Variants in ZNF292 observed in about 807,000 individuals in gnomAD.
The protein encoded by ZNF292 is 16 zinc-finger domain protein.
Under a neutral mutation model 217.9 loss-of-function variants are expected in ZNF292, and 26 were observed. That is an observed-to-expected ratio of 0.12 (90% CI 0.09 to 0.17). ZNF292 has a LOEUF of 0.17. ZNF292 is among the 10% of genes least tolerant of loss of function. ZNF292 has a pLI of 1.00. For missense variants in ZNF292, 2,904 were observed against 3,175.2 expected, an observed-to-expected ratio of 0.91 and a Z score of 2.05; for synonymous variants, 1,257 against 1,124.1, an observed-to-expected ratio of 1.12 and a Z score of -2.37.
chr6:87,172,549 A>G (rs1457053479), intron 1 of ZNF292, among the ~76,000 whole-genome samples: 2 of 152,126 alleles, frequency 1.3e-5, no homozygotes, highest in Non-Finnish European at 2.9e-5. Flanking sequence ...CAATAGAAGT[A>G]CTATAGTAGT....
chr6:87,239,547 C>G (rs1426483239), intron 5 of ZNF292, among the ~76,000 whole-genome samples: 7 of 138,372 alleles, frequency 5.1e-5, no homozygotes, highest in African/African-American at 1.1e-4. Flanking sequence ...CCCCCACCTC[C>G]CGGACAGGGC....
intron 4 of ZNF292, among the ~76,000 whole-genome samples, chr6:87,228,833 T>C (rs1773505999): frequency 6.6e-6 from 1 of 152,248 alleles, no homozygotes; most frequent in Admixed American, 6.5e-5. Flanking sequence ...ACTTGAGCTC[T>C]GTAATACATC....
Position 87,258,139 on chromosome 6 carries a change from G to C in ZNF292, c.4510G>C (p.Glu1504Gln). 2 of 1,612,230 alleles carry C rather than the reference G, an allele frequency of 1.2e-6. No homozygotes were observed. The highest frequency in any genetic ancestry group is 1.7e-6 in the Non-Finnish European group (2 of 1,179,202). ...LETAGIPSTF[E>Q]GAEMLSHVST... ...AACTGCTGGCATTCCCAGTACATTT[G>C]AGGGTGCCGAAATGCTTTCTCATGT... The change falls in exon 8 of 8, where the codon GAG (glutamate) becomes CAG (glutamine). Residue 1504 changes from glutamate to glutamine, a missense_variant. By Grantham distance (29) the Glu-to-Gln change is conservative. Around this residue, in one of 15 missense-constraint regions of ZNF292, gnomAD observed 622 missense variants for 573.1 expected, o/e 1.09. Coordinates refer to ENST00000369577, the MANE Select transcript of ZNF292 (RefSeq NM_015021.3).
At position 87,257,563 on chromosome 6, in the gene ZNF292, G is replaced by A. The variant is rs546691929; in HGVS notation, c.3934G>A (p.Gly1312Arg). 6.2e-7 allele frequency: 1 copy of A among 1,606,696 alleles called. No individual in the cohort carries two copies. Among genetic ancestry groups the A allele is most frequent in the Non-Finnish European group, 8.5e-7 (1 of 1,176,192 alleles). ...EGNTNSSFLK[G>R]GNGENAVFPS... Reference sequence around the variant, plus strand: ...AAACACTAATTCCTCCTTTCTAAAGGGGGGTAATGGTGAAAATGCAGTTTT... The same window carrying A: ...AAACACTAATTCCTCCTTTCTAAAGAGGGGTAATGGTGAAAATGCAGTTTT... The change falls in exon 8 of 8, where the codon GGG (glycine) becomes AGG (arginine). Residue 1312 changes from glycine to arginine, a missense_variant. Gly to Arg is a moderately radical substitution (Grantham distance 125). This residue lies in a region of ZNF292 where 687 missense variants were observed against 623.0 expected (regional missense o/e 1.10). Coordinates refer to ENST00000369577, the MANE Select transcript of ZNF292 (RefSeq NM_015021.3).
chr6:87,247,905 G>A (rs959539961), intron 7 of ZNF292, among the ~76,000 whole-genome samples: 6 of 152,258 alleles, frequency 3.9e-5, no homozygotes, highest in African/African-American at 9.6e-5. Context: ...CATAGTTATC[G>A]AAATGAAAAT....
rs375203247 is a variant in ZNF292 at position 87,206,502 on chromosome 6, G to GC, written c.169-9395dup. On this transcript the variant is annotated intron_variant, in intron 1 of 7. Coordinates refer to ENST00000369577, the MANE Select transcript of ZNF292 (RefSeq NM_015021.3). ...AAGAGTTAGCCAGTATTATGACATT[G>GC]CCCCCCTTATATACTTTAAGCGTTT... 2.1e-3 allele frequency among the ~76,000 whole-genome samples: 312 copies of GC among 151,258 alleles called. 1 individual carries two copies. Among genetic ancestry groups the GC allele is most frequent in the Middle Eastern group, 0.017 (5 of 294 alleles).
intron 4 of ZNF292, among the ~76,000 whole-genome samples, chr6:87,230,819 C>T (rs1241478867): frequency 6.6e-6 from 1 of 151,902 alleles, no homozygotes; most frequent in Non-Finnish European, 1.5e-5. Flanking sequence ...ATTTATATTG[C>T]CATGTGAAGT....
intron 1 of ZNF292, among the ~76,000 whole-genome samples, chr6:87,184,252 A>AT (rs1389485162): frequency 6.6e-6 from 1 of 152,140 alleles, no homozygotes; most frequent in Admixed American, 6.5e-5. Flanking sequence ...GGCATGGGAG[A>AT]TTTCTCCTAC....
chr6:87,234,824 A>G (rs1198958748), intron 5 of ZNF292, among the ~76,000 whole-genome samples: 1 of 152,220 alleles, frequency 6.6e-6, no homozygotes, highest in Non-Finnish European at 1.5e-5. Context: ...AGCCTCATAC[A>G]GAAAGCTCAG....
At chr6:87,244,854 C>G (rs1005607895) in intron 6 of ZNF292, among the ~76,000 whole-genome samples, 3 of 151,920 alleles carry the variant, frequency 2.0e-5, no homozygotes, top group African/African-American at 7.3e-5. Context: ...TACACATGCA[C>G]ACACATATAT....
rs1376733293 is a variant in ZNF292 at position 87,261,889 on chromosome 6, A to G, written c.*88A>G. The G allele has an allele frequency of 2.0e-6, 2 of 996,736 alleles. No individual in the cohort carries two copies. Among genetic ancestry groups the G allele is most frequent in the Admixed American group, 6.5e-5 (2 of 30,954 alleles). The allele number at this position is 996,736 out of a possible 1,614,324, so 61.7% of individuals were successfully genotyped here. On this transcript the variant is annotated 3_prime_UTR_variant, in exon 8 of 8. Transcript: ENST00000369577. ...GCTAGAATTGTGAAACTTTCATTAT[A>G]TTTTTTTGTTGTTGACATGAATTAA...
chr6:87,172,518 GT>G (rs1020448037), intron 1 of ZNF292, among the ~76,000 whole-genome samples: 4 of 152,168 alleles, frequency 2.6e-5, no homozygotes, highest in African/African-American at 9.7e-5. Context: ...TCTTTAGAAT[GT>G]TTAACCATTC....
chr6:87,250,383 C>G (rs1272435601), intron 7 of ZNF292, among the ~76,000 whole-genome samples: 1 of 151,992 alleles, frequency 6.6e-6, no homozygotes, highest in South Asian at 2.1e-4. Flanking sequence ...GAGCCAAGAT[C>G]ATGCCACTGA....
chr6:87,258,732 T>C lies in ZNF292; in HGVS notation c.5103T>C (p.Asp1701=). The change falls in exon 8 of 8, where the codon GAT becomes GAC. Residue 1701 remains aspartate, a synonymous_variant. Transcript: ENST00000369577. ...TTAACAATCAGTTATTTATGACTGA[T>C]GTAAAAGAGAATTTCAAAACCAGTC... The part of the protein sequence containing the change: ...NNVNNQLFMT[D]VKENFKTSLE... The C allele has an allele frequency of 1.2e-6, 2 of 1,613,502 alleles. No homozygotes were observed. The highest frequency in any genetic ancestry group is 1.7e-6 in the Non-Finnish European group (2 of 1,179,698).
rs531296557 is a variant in ZNF292 at position 87,181,174 on chromosome 6, G to A, written c.168+25415G>A. Among the ~76,000 whole-genome samples the A allele has an allele frequency of 1.7e-4, 26 of 152,298 alleles. No individual in the cohort carries two copies. In the South Asian group the frequency reaches 5.2e-3, roughly 30 times the overall value. On this transcript the variant is annotated intron_variant, in intron 1 of 7. Coordinates refer to ENST00000369577, the MANE Select transcript of ZNF292 (RefSeq NM_015021.3). ...TGCAAGGAAGAGGGCCAGTGTGACA[G>A]CCTTCCATATCCCACGCTGTTCCCT...
intron 4 of ZNF292, chr6:87,223,673 A>G (rs1773204965): frequency 6.6e-6 from 1 of 152,146 alleles, no homozygotes; most frequent in Non-Finnish European, 1.5e-5. Flanking sequence ...TTCTTTGGTC[A>G]TAATCTGATA....
intron 4 of ZNF292, among the ~76,000 whole-genome samples, chr6:87,228,447 T>A (rs1368630746): frequency 1.3e-5 from 2 of 152,174 alleles, no homozygotes; most frequent in African/African-American, 4.8e-5. Context: ...TGATGTAGTT[T>A]TATTTTTGCT....
At chr6:87,237,726 G>T (rs1232592146) in intron 5 of ZNF292, among the ~76,000 whole-genome samples, 1 of 152,130 alleles carries the variant, frequency 6.6e-6, no homozygotes, top group East Asian at 1.9e-4. Flanking sequence ...ACTTTATTCA[G>T]CATAATGTGT....
Position 87,256,191 on chromosome 6 carries a change from T to C in ZNF292, c.2562T>C (p.Pro854=), listed in dbSNP as rs1260103232. ...QLNSSGDSIQ[P]SEVNQNTAEN... ...ATTCATCTGGAGATTCCATTCAGCC[T>C]TCTGAAGTGAATCAGAACACAGCAG... Residue 854 remains proline, a synonymous_variant, in exon 8 of 8, where the codon CCT becomes CCC. Transcript: ENST00000369577. 2.5e-6 allele frequency: 4 copies of C among 1,613,764 alleles called. No homozygotes were observed. The highest frequency in any genetic ancestry group is 1.7e-6 in the Non-Finnish European group (2 of 1,179,850).
Sources: gnomAD v4.1 joint callset for allele counts (sites outside exome capture counted in the v4.1 genomes callset) on GRCh38, gnomAD v4.1.1 for gene constraint, gnomAD v4.1.1 regional missense constraint, MANE v1.5 for transcripts, NCBI Gene and HGNC (gene_info 2026-07-23, HGNC 2026-07-21) for gene names.